HAUS1: variants seen among roughly 807,000 people sequenced by gnomAD.
HAUS1 encodes the protein HAUS augmin like complex subunit 1.
HAUS1 carries 25 observed loss-of-function variants against 38.6 expected under a neutral mutation model. The observed-to-expected ratio is 0.65, with a 90% CI of 0.47 to 0.91. The LOEUF (loss-of-function observed/expected upper bound fraction) is 0.91, where lower values mean the gene tolerates loss of function less well. HAUS1 is among the 40% of genes least tolerant of loss of function. HAUS1 has a pLI of 0.00. For missense variants in HAUS1, 325 were observed against 328.4 expected, an observed-to-expected ratio of 0.99 and a Z score of 0.08; for synonymous variants, 109 against 112.9, an observed-to-expected ratio of 0.97 and a Z score of 0.22.
At chr18:46,126,613 T>A (rs1311300551) in intron 8 of HAUS1, 7 of 148,614 alleles carry the variant, frequency 4.7e-5, no homozygotes, top group Admixed American at 1.4e-4. Flanking sequence ...AGAAATATGA[T>A]CAAAGCTATG....
In HAUS1 at chr18:46,118,278, T is replaced by A; in HGVS notation, c.303T>A (p.Ser101Arg). 6.2e-7 allele frequency: 1 copy of A among 1,613,376 alleles called. No homozygotes were observed. Among genetic ancestry groups the A allele is most frequent in the Non-Finnish European group, 8.5e-7 (1 of 1,180,004 alleles). ...GSRYLNALVD[S>R]AVALETKDTS... Reference sequence around the variant, plus strand: ...GGTATCTGAATGCTTTGGTTGACAGTGCGGTGGCCCTTGAAACAAAGGATA... The same window carrying A: ...GGTATCTGAATGCTTTGGTTGACAGAGCGGTGGCCCTTGAAACAAAGGATA... Residue 101 changes from serine to arginine, a missense_variant, in exon 3 of 9, where the codon AGT becomes AGA. Coordinates refer to ENST00000282058, the MANE Select transcript of HAUS1 (RefSeq NM_138443.4).
At position 46,105,171 on chromosome 18, in the gene HAUS1, T is replaced by C. The variant is rs756333676; in HGVS notation, c.31-23T>C. 12 of 1,557,448 alleles carry C rather than the reference T, an allele frequency of 7.7e-6. No homozygotes were observed. The Admixed American group carries it at 1.5e-4, about 20-fold the overall frequency. On this transcript the variant is annotated intron_variant, in intron 1 of 8. Transcript: ENST00000282058. ...ATTACAGTAAACAAGGCTTATAATA[T>C]TTGTCTTTCTTTTAATGGTTAGGTT...
intron 1 of HAUS1, 74 bp from the exon 2 acceptor site, chr18:46,105,120 C>G: frequency 6.1e-6 from 7 of 1,141,392 alleles, no homozygotes; most frequent in Non-Finnish European, 8.7e-6. Flanking sequence ...CTTTTGATCA[C>G]TTCTTTGTCA....
intron 2 of HAUS1, among the ~76,000 whole-genome samples, chr18:46,114,621 C>A (rs1256167210): frequency 6.6e-6 from 1 of 152,162 alleles, no homozygotes; most frequent in Admixed American, 6.6e-5. Flanking sequence ...CTCTCAACCA[C>A]ATCCCGCTGG....
At position 46,123,377 on chromosome 18, in the gene HAUS1, T is replaced by A; in HGVS notation, c.666+13T>A. 1 of 1,554,718 alleles carries A rather than the reference T, an allele frequency of 6.4e-7. No homozygotes were observed. The highest frequency in any genetic ancestry group is 2.2e-5 in the East Asian group (1 of 44,542). ...AGCACTATCAGAGGTGAGCTTATTT[T>A]AACCTAATTTAACTTTCTTTAAAAT... On this transcript the variant is annotated intron_variant, in intron 6 of 8. Transcript: ENST00000282058.
At chr18:46,117,516 G>T (rs950136774) in intron 2 of HAUS1, among the ~76,000 whole-genome samples, 3 of 152,156 alleles carry the variant, frequency 2.0e-5, no homozygotes, top group African/African-American at 7.2e-5. Context: ...GGGTTTCATG[G>T]GTTGGTAGAT....
chr18:46,120,091 T>G lies in HAUS1; in HGVS notation c.476+31T>G, dbSNP rs187404415. 3.5e-5 allele frequency: 53 copies of G among 1,501,918 alleles called. No individual in the cohort carries two copies. In the African/African-American group the frequency reaches 7.2e-4, roughly 20 times the overall value. The allele number at this position is 1,501,918 out of a possible 1,614,324, so 93.0% of individuals were successfully genotyped here. A position where few individuals can be genotyped will look rare whatever the true frequency, so the allele number is the denominator to read the frequency against. ...TAATTGAGTTCAGAGTGGTGACAAT[T>G]TATAAATAAGGGAGTAATAGGACAT... On this transcript the variant is annotated intron_variant, in intron 4 of 8. Transcript: ENST00000282058.
Position 46,104,461 on chromosome 18 carries a change from G to T in HAUS1, c.30+20G>T, listed in dbSNP as rs1318685935. ...ACGCAGGTGATGGGGCGGGAATGGG[G>T]ATCGTTGGCCTCCTGGAAAACGCGT... On this transcript the variant is annotated intron_variant, in intron 1 of 8. Coordinates refer to ENST00000282058, the MANE Select transcript of HAUS1 (RefSeq NM_138443.4). 4 of 1,469,796 alleles carry T rather than the reference G, an allele frequency of 2.7e-6. No homozygotes were observed. The highest frequency in any genetic ancestry group is 3.6e-6 in the Non-Finnish European group (4 of 1,101,512). The allele number at this position is 1,469,796 out of a possible 1,614,324, so 91.0% of individuals were successfully genotyped here. A position where few individuals can be genotyped will look rare whatever the true frequency, so the allele number is the denominator to read the frequency against.
intron 5 of HAUS1, 133 bp from the exon 6 acceptor site, chr18:46,123,166 G>A (rs745869821): frequency 5.7e-5 from 35 of 610,428 alleles, no homozygotes; most frequent in Non-Finnish European, 9.2e-5. Context: ...AGCCGAGATC[G>A]CGCCACTGCA....
At chr18:46,112,841 T>C (rs1268614611) in intron 2 of HAUS1, among the ~76,000 whole-genome samples, 1 of 96,076 alleles carries the variant, frequency 1.0e-5, no homozygotes, top group Non-Finnish European at 1.8e-5. Context: ...ATATATAATG[T>C]GTATATATAT....
intron 2 of HAUS1, among the ~76,000 whole-genome samples, chr18:46,112,884 G>GTA (rs570345204): frequency 2.3e-5 from 2 of 88,064 alleles, no homozygotes; most frequent in South Asian, 5.9e-4. Flanking sequence ...TATATAATGT[G>GTA]TATATATATT....
At chr18:46,104,766 T>G in intron 1 of HAUS1, among the ~76,000 whole-genome samples, 1 of 140,162 alleles carries the variant, frequency 7.1e-6, no homozygotes, top group East Asian at 1.9e-4. Context: ...CTTCCACATC[T>G]GAACTGCTTC....
intron 2 of HAUS1, among the ~76,000 whole-genome samples, chr18:46,110,247 C>T (rs1599807734): frequency 7.3e-6 from 1 of 137,190 alleles, no homozygotes; most frequent in South Asian, 2.4e-4. Context: ...CCTCGAACTT[C>T]TGGGCTCAAG....
intron 2 of HAUS1, among the ~76,000 whole-genome samples, chr18:46,109,039 C>G (rs1696702991): frequency 6.8e-6 from 1 of 146,196 alleles, no homozygotes; most frequent in Non-Finnish European, 1.5e-5. Flanking sequence ...CAACTGCACT[C>G]TAGCCTGGGA....
At chr18:46,112,997 C>CATATA (rs1568263591) in intron 2 of HAUS1, among the ~76,000 whole-genome samples, 2 of 43,866 alleles carry the variant, frequency 4.6e-5, no homozygotes, top group African/African-American at 1.7e-4. Flanking sequence ...ATATATATTC[C>CATATA]ATATATATGG....
At chr18:46,117,587 G>C (rs1018064821) in intron 2 of HAUS1, among the ~76,000 whole-genome samples, 2 of 152,132 alleles carry the variant, frequency 1.3e-5, no homozygotes, top group African/African-American at 2.4e-5. Context: ...CTAGCACTTT[G>C]GGAGGCCAAG....
At chr18:46,124,112 A>T (rs1488729299) in intron 6 of HAUS1, among the ~76,000 whole-genome samples, 2 of 152,076 alleles carry the variant, frequency 1.3e-5, no homozygotes, top group Admixed American at 1.3e-4. Context: ...TCCTATTGTT[A>T]ATAAATGGGA....
chr18:46,125,258 TC>T (rs761995444), intron 7 of HAUS1, among the ~76,000 whole-genome samples: 3 of 150,474 alleles, frequency 2.0e-5, no homozygotes, highest in Non-Finnish European at 4.4e-5. Context: ...AGACTCCATC[TC>T]AAAAAAAAAG....
chr18:46,109,026 GC>G (rs1259979082), intron 2 of HAUS1, among the ~76,000 whole-genome samples: 1 of 148,720 alleles, frequency 6.7e-6, no homozygotes, highest in Non-Finnish European at 1.5e-5. Context: ...TGCTGAGATC[GC>G]GCAACTGCAC....
Sources: gnomAD v4.1 joint callset for allele counts (sites outside exome capture counted in the v4.1 genomes callset) on GRCh38, gnomAD v4.1.1 for gene constraint, MANE v1.5 for transcripts, NCBI Gene and HGNC (gene_info 2026-07-23, HGNC 2026-07-21) for gene names.